NAALADL2: variants seen among roughly 807,000 people sequenced by gnomAD.
NAALADL2 encodes N-acetylated alpha-linked acidic dipeptidase like 2.
A neutral mutation model predicts 87.2 loss-of-function variants in NAALADL2; 76 were observed. The observed-to-expected ratio is 0.87, with a 90% CI of 0.72 to 1.05. NAALADL2 has a LOEUF of 1.05. Among genes scored for constraint, NAALADL2 ranks in the 50% least tolerant of loss-of-function variants. The pLI, the probability that NAALADL2 is intolerant of heterozygous loss-of-function variation, is 0.00. For synonymous variants in NAALADL2, 354 were observed against 331.0 expected (o/e 1.07, Z -0.75); for missense variants, 1,089 against 945.8 (o/e 1.15, Z -1.99).
chr3:175,248,812 T>A (rs1329321589), intron 3 of NAALADL2, among the ~76,000 whole-genome samples: 2 of 152,184 alleles, frequency 1.3e-5, no homozygotes, highest in African/African-American at 2.4e-5. Flanking sequence ...TGATTTTTTA[T>A]AATCAACTGC....
chr3:175,351,397 A>G (rs1763757969), intron 5 of NAALADL2, among the ~76,000 whole-genome samples: 1 of 152,088 alleles, frequency 6.6e-6, no homozygotes, highest in Admixed American at 6.6e-5. Flanking sequence ...TGATATATAT[A>G]CATATATGAT....
intron 1 of NAALADL2, among the ~76,000 whole-genome samples, chr3:174,882,622 T>TATATGTGCATATACAC (rs201364539): frequency 0.036 from 4,768 of 130,642 alleles, 142 homozygotes; most frequent in Middle Eastern, 0.077. Flanking sequence ...TGCATATGCA[T>TATATGTGCATATACAC]ATATGTGCAT....
At chr3:175,362,131 T>C (rs1371247604) in intron 5 of NAALADL2, among the ~76,000 whole-genome samples, 3 of 148,320 alleles carry the variant, frequency 2.0e-5, no homozygotes, top group South Asian at 2.2e-4. Flanking sequence ...GGAATCCTTT[T>C]CCCATTTATT....
rs926418486 is a variant in NAALADL2 at position 175,246,878 on chromosome 3, G to A, written c.820-9533G>A. On this transcript the variant is annotated intron_variant, in intron 3 of 13. Coordinates refer to ENST00000454872, the MANE Select transcript of NAALADL2 (RefSeq NM_207015.3). ...AAGAGAAAAGATATGACTATCCTAA[G>A]AGTCTCACATTTTTAGTTCTATTGG... Among the ~76,000 whole-genome samples the A allele has an allele frequency of 4.6e-5, 7 of 152,094 alleles. No homozygotes were observed. In the East Asian group the frequency reaches 5.8e-4, roughly 13 times the overall value.
intron 1 of NAALADL2, among the ~76,000 whole-genome samples, chr3:174,521,287 A>T (rs762472413): frequency 6.6e-6 from 1 of 152,166 alleles, no homozygotes; most frequent in Non-Finnish European, 1.5e-5. Context: ...GATAAATGAA[A>T]CTGAATACAA....
At chr3:175,105,307 T>C (rs1722905957) in intron 2 of NAALADL2, among the ~76,000 whole-genome samples, 1 of 152,054 alleles carries the variant, frequency 6.6e-6, no homozygotes, top group Non-Finnish European at 1.5e-5. Flanking sequence ...AGGCTCTCAG[T>C]AAGTCTTTAC....
intron 1 of NAALADL2, among the ~76,000 whole-genome samples, chr3:174,452,792 A>T (rs73881163): frequency 0.014 from 2,185 of 152,214 alleles, 50 homozygotes; most frequent in African/African-American, 0.05. Flanking sequence ...AAGGACAGCA[A>T]CTTTAAAAAT....
intron 4 of NAALADL2, among the ~76,000 whole-genome samples, chr3:175,287,846 C>A (rs1755169058): frequency 6.6e-6 from 1 of 152,130 alleles, no homozygotes; most frequent in African/African-American, 2.4e-5. Context: ...ATCACCCTTT[C>A]TACATCATTG....
intron 3 of NAALADL2, among the ~76,000 whole-genome samples, chr3:174,782,762 G>C (rs1404094245): frequency 1.3e-5 from 2 of 152,008 alleles, no homozygotes; most frequent in Non-Finnish European, 2.9e-5. Context: ...CGCGCAAAGG[G>C]GGAAAAGCCG....
intron 2 of NAALADL2, among the ~76,000 whole-genome samples, chr3:175,232,068 C>A (rs1408238096): frequency 1.3e-5 from 2 of 151,500 alleles, no homozygotes; most frequent in Non-Finnish European, 2.9e-5. Flanking sequence ...ATTTAGGTGG[C>A]ACTGTTGACT....
In NAALADL2 at chr3:175,411,633, ATTTCATTT is replaced by A. The variant is rs1713536859; in HGVS notation, c.1091-35594_1091-35587del. On this transcript the variant is annotated intron_variant, in intron 5 of 13. Coordinates refer to ENST00000454872, the MANE Select transcript of NAALADL2 (RefSeq NM_207015.3). ...CATAGAGAGTGATTCATGTGAAGAA[ATTTCATTT>A]TGTAACAAAGAAAAGGGATGGATGA... is the stretch of plus-strand genomic sequence containing the variant. Among the ~76,000 whole-genome samples, 5 of 152,266 alleles carry A rather than the reference ATTTCATTT, an allele frequency of 3.3e-5. No homozygotes were observed. In the South Asian group the frequency reaches 1.0e-3, roughly 32 times the overall value.
chr3:175,489,143 A>G (rs1295033588), intron 9 of NAALADL2, among the ~76,000 whole-genome samples: 3 of 152,366 alleles, frequency 2.0e-5, no homozygotes, highest in East Asian at 3.9e-4. Flanking sequence ...TAAGGGTAGC[A>G]TAAAAAGATA....
At chr3:175,754,025 A>G (rs1746931476) in intron 12 of NAALADL2, among the ~76,000 whole-genome samples, 1 of 152,172 alleles carries the variant, frequency 6.6e-6, no homozygotes, top group South Asian at 2.1e-4. Context: ...TGTCTCACTT[A>G]AAGCCTGATT....
chr3:175,754,130 G>C (rs974335939), intron 12 of NAALADL2, among the ~76,000 whole-genome samples: 4 of 152,174 alleles, frequency 2.6e-5, no homozygotes, highest in African/African-American at 9.7e-5. Context: ...AATCACATCA[G>C]CTGAGAACTG....
rs116639493 is a variant in NAALADL2, at chr3:175,451,960, A to C, written c.1234+4588A>C. 9.3e-3 allele frequency among the ~76,000 whole-genome samples: 1,423 copies of C among 152,292 alleles called. 17 individuals are homozygous for C. The highest frequency in any genetic ancestry group is 0.031 in the African/African-American group (1,306 of 41,586). ...TAATCTGTTAGTAGTTACTTGAAAC[A>C]ATGCATTACTAGCATTTCTTGAGTA... is the stretch of plus-strand genomic sequence containing the variant. On this transcript the variant is annotated intron_variant, in intron 6 of 13. Coordinates refer to ENST00000454872, the MANE Select transcript of NAALADL2 (RefSeq NM_207015.3).
chr3:175,337,439 A>C (rs1461900332), intron 5 of NAALADL2, among the ~76,000 whole-genome samples: 1 of 152,172 alleles, frequency 6.6e-6, no homozygotes, highest in Non-Finnish European at 1.5e-5. Context: ...AATGAAGTTG[A>C]AATGAAGGCA....
At chr3:175,297,627 A>G (rs1756542582) in intron 4 of NAALADL2, among the ~76,000 whole-genome samples, 1 of 152,122 alleles carries the variant, frequency 6.6e-6, no homozygotes. Flanking sequence ...TTGTGGTATT[A>G]CCCACTAACC....
intron 2 of NAALADL2, among the ~76,000 whole-genome samples, chr3:174,618,559 C>A (rs937724555): frequency 6.6e-6 from 1 of 151,710 alleles, no homozygotes; most frequent in Admixed American, 6.6e-5. Context: ...AGAACTCAAC[C>A]TTGGATTAAT....
intron 2 of NAALADL2, among the ~76,000 whole-genome samples, chr3:174,616,163 T>C (rs776530042): frequency 2.0e-5 from 3 of 151,930 alleles, no homozygotes; most frequent in Non-Finnish European, 4.4e-5. Flanking sequence ...CAATCGTTGA[T>C]GTTGTAAATC....
Sources: allele counts gnomAD v4.1 joint callset (sites outside exome capture counted in the v4.1 genomes callset), GRCh38; gene constraint gnomAD v4.1.1; transcripts MANE v1.5; gene names NCBI Gene and HGNC (gene_info 2026-07-23, HGNC 2026-07-21).